ADAMTS16: variants seen among roughly 807,000 people sequenced by gnomAD.
ADAMTS16 encodes ADAM metallopeptidase with thrombospondin type 1 motif 16.
In ADAMTS16, 94 loss-of-function variants were observed where a neutral mutation model predicts 145.8. The ratio of observed to expected loss-of-function variants is 0.64; its 90% CI spans 0.55 to 0.77. The LOEUF is 0.77. Among genes scored for constraint, ADAMTS16 ranks in the 30% least tolerant of loss-of-function variants. The probability of loss-of-function intolerance (pLI) is 0.00; values close to 1 mark genes in which losing one functional copy is unlikely to be tolerated. For synonymous variants in ADAMTS16, 659 were observed against 604.3 expected, an observed-to-expected ratio of 1.09 and a Z score of -1.33; for missense variants, 1,585 against 1,591.5, an observed-to-expected ratio of 1.00 and a Z score of 0.07.
At position 5,190,066 on chromosome 5, in the gene ADAMTS16, C is replaced by T; in HGVS notation, c.1143C>T (p.Asp381=). The change falls in exon 7 of 23, where the codon GAC becomes GAT. Residue 381 remains aspartate (D), a synonymous_variant. Transcript: ENST00000274181. ...TGGGGAAAGATGGGACTCGTCATGACCACGCCATCTTACTGACTGGTCTGG... is the reference window on the plus strand; with the variant it reads ...TGGGGAAAGATGGGACTCGTCATGATCACGCCATCTTACTGACTGGTCTGG... ...GLMGKDGTRH[D]HAILLTGLDI... is the part of the protein sequence containing the mutation. 1 of 1,613,174 alleles carries T rather than the reference C, an allele frequency of 6.2e-7. No individual in the cohort carries two copies. Among genetic ancestry groups the T allele is most frequent in the Non-Finnish European group, 8.5e-7 (1 of 1,179,618 alleles).
chr5:5,244,235 C>T (rs938266908), intron 17 of ADAMTS16, among the ~76,000 whole-genome samples: 2 of 152,174 alleles, frequency 1.3e-5, no homozygotes, highest in African/African-American at 4.8e-5. Context: ...GAACTATAGT[C>T]GATCCTCCTC....
chr5:5,161,590 G>T (rs1302578779), intron 3 of ADAMTS16, among the ~76,000 whole-genome samples: 1 of 152,150 alleles, frequency 6.6e-6, no homozygotes, highest in Non-Finnish European at 1.5e-5. Context: ...TGTGTGGTTG[G>T]ATGCTGTGGA....
chr5:5,213,820 G>T (rs1221577540), intron 10 of ADAMTS16, among the ~76,000 whole-genome samples: 1 of 152,166 alleles, frequency 6.6e-6, no homozygotes, highest in African/African-American at 2.4e-5. Flanking sequence ...CTTTCAGCCT[G>T]CAGCTGTGGT....
Position 5,232,476 on chromosome 5 carries a change from G to C in ADAMTS16, c.1810G>C (p.Gly604Arg), listed in dbSNP as rs1315518114. 6.2e-7 allele frequency: 1 copy of C among 1,613,858 alleles called. No individual in the cohort carries two copies. Among genetic ancestry groups the C allele is most frequent in the Non-Finnish European group, 8.5e-7 (1 of 1,180,006 alleles). Residue 604 changes from glycine (G) to arginine (R), a missense_variant, in exon 12 of 23, where the codon GGG becomes CGG. Transcript: ENST00000274181. ...GTCCCCATGCTCCAGGACCTGCGGA[G>C]GGGGAGTATCTCATAGGAGTCGCCT... The part of the protein sequence containing the change: ...SWSPCSRTCG[G>R]GVSHRSRLCT...
chr5:5,265,424 C>A (rs1223465133), intron 18 of ADAMTS16, among the ~76,000 whole-genome samples: 2 of 152,156 alleles, frequency 1.3e-5, no homozygotes, highest in Non-Finnish European at 2.9e-5. Context: ...CTTGTGGAAT[C>A]TCGGTTTGCC....
chr5:5,154,417 A>G (rs960289321), intron 3 of ADAMTS16, among the ~76,000 whole-genome samples: 1 of 152,252 alleles, frequency 6.6e-6, no homozygotes, highest in African/African-American at 2.4e-5. Flanking sequence ...GCAATTTGGA[A>G]ATTAACAGAA....
chr5:5,142,647 G>A (rs1284899751), intron 2 of ADAMTS16, among the ~76,000 whole-genome samples: 1 of 152,180 alleles, frequency 6.6e-6, no homozygotes, highest in East Asian at 1.9e-4. Flanking sequence ...CATTAGACAA[G>A]TTGGTTCTGA....
At chr5:5,258,087 G>A (rs1737856419) in intron 17 of ADAMTS16, among the ~76,000 whole-genome samples, 1 of 152,142 alleles carries the variant, frequency 6.6e-6, no homozygotes, top group South Asian at 2.1e-4. Context: ...CCCACCATGT[G>A]GATGTGTTTA....
rs746555489 is a variant in ADAMTS16 at position 5,303,299 on chromosome 5, C to T, written c.2821C>T (p.Arg941Trp). 8.8e-6 allele frequency: 14 copies of T among 1,591,818 alleles called. No individual in the cohort carries two copies. The highest frequency in any genetic ancestry group is 1.9e-4 in the Middle Eastern group (1 of 5,216). ...CGTGGGGAACTGGAGTGCCTGCAGT[C>T]GGACGTGTGGCGGGGGTGCCCAGAG... ...WSVGNWSACS[R>W]TCGGGAQSRP... is the part of the protein sequence containing the mutation. The change falls in exon 19 of 23, where the codon CGG (arginine) becomes TGG (tryptophan). Residue 941 changes from arginine to tryptophan, a missense_variant. Physicochemically the swap from Arg to Trp is moderately radical, Grantham distance 101 (BLOSUM62 -3). Around this residue, in one of 3 missense-constraint regions of ADAMTS16, gnomAD observed 834 missense variants for 811.7 expected, o/e 1.03. Coordinates refer to ENST00000274181, the MANE Select transcript of ADAMTS16 (RefSeq NM_139056.4).
chr5:5,299,550 TG>T (rs1739687438), intron 18 of ADAMTS16, among the ~76,000 whole-genome samples: 1 of 152,098 alleles, frequency 6.6e-6, no homozygotes. Flanking sequence ...GTCATTTTGT[TG>T]AGAAATGACT....
chr5:5,153,089 C>T (rs1413450439), intron 3 of ADAMTS16, among the ~76,000 whole-genome samples: 1 of 152,226 alleles, frequency 6.6e-6, no homozygotes, highest in African/African-American at 2.4e-5. Flanking sequence ...TGCTGCCTTA[C>T]AGGGACCTGT....
chr5:5,301,895 C>A (rs1739793632), intron 18 of ADAMTS16, among the ~76,000 whole-genome samples: 1 of 152,172 alleles, frequency 6.6e-6, no homozygotes, highest in African/African-American at 2.4e-5. Context: ...CTAGGTGGGA[C>A]CCCTGGTGCC....
chr5:5,294,799 G>A (rs1046919105), intron 18 of ADAMTS16, among the ~76,000 whole-genome samples: 3 of 152,142 alleles, frequency 2.0e-5, no homozygotes, highest in African/African-American at 7.2e-5. Flanking sequence ...CCCACTTCTA[G>A]GATGACAGGA....
intron 16 of ADAMTS16, among the ~76,000 whole-genome samples, chr5:5,240,428 C>A (rs370645102): frequency 1.3e-5 from 2 of 152,212 alleles, no homozygotes; most frequent in Admixed American, 1.3e-4. Flanking sequence ...CCCCCTGAAC[C>A]GAGCAGTTCT....
At position 5,319,942 on chromosome 5, in the gene ADAMTS16, G is replaced by T; in HGVS notation, c.*804G>T. Reference sequence around the variant, plus strand: ...CTTCTTCATGCTTTTCTTTGTAAATGACAGATCGAAGTATAGGTTACATCA... The same window carrying T: ...CTTCTTCATGCTTTTCTTTGTAAATTACAGATCGAAGTATAGGTTACATCA... On this transcript the variant is annotated 3_prime_UTR_variant, in exon 23 of 23. Transcript: ENST00000274181. 1 of 454,900 alleles carries T rather than the reference G, an allele frequency of 2.2e-6. No homozygotes were observed. The highest frequency in any genetic ancestry group is 4.4e-6 in the Non-Finnish European group (1 of 226,776). The allele number at this position is 454,900 out of a possible 1,614,324, so 28.2% of individuals were successfully genotyped here. A position where few individuals can be genotyped will look rare whatever the true frequency, so the allele number is the denominator to read the frequency against.
chr5:5,300,851 G>A (rs11749585), intron 18 of ADAMTS16, among the ~76,000 whole-genome samples: 112,340 of 152,016 alleles, frequency 0.74, 41,919 homozygotes, highest in South Asian at 0.82. Context: ...CAGAAATCAC[G>A]TCCAGCCAGG....
intron 10 of ADAMTS16, among the ~76,000 whole-genome samples, chr5:5,215,884 ATATATATATATATATATATATAT>A (rs1260445076): frequency 1.5e-5 from 1 of 64,976 alleles, no homozygotes; most frequent in Non-Finnish European, 4.3e-5. Flanking sequence ...ATATATATAT[ATATATATATATATATATATATAT>A]ATATATATCA....
intron 3 of ADAMTS16, among the ~76,000 whole-genome samples, chr5:5,180,957 ATCAGTACGTAAC>A (rs1560936876): frequency 6.6e-6 from 1 of 152,242 alleles, no homozygotes; most frequent in African/African-American, 2.4e-5. Flanking sequence ...TATAATTATC[ATCAGTACGTAAC>A]TCTAACTTTT....
intron 17 of ADAMTS16, among the ~76,000 whole-genome samples, chr5:5,250,677 A>T (rs1003703269): frequency 6.9e-6 from 1 of 145,386 alleles, no homozygotes; most frequent in Non-Finnish European, 1.5e-5. Flanking sequence ...AAGGTACTTG[A>T]ACTGGTTCAT....
Sources: allele counts gnomAD v4.1 joint callset (sites outside exome capture counted in the v4.1 genomes callset), GRCh38; gene constraint gnomAD v4.1.1; regional missense constraint gnomAD v4.1.1; transcripts MANE v1.5; gene names NCBI Gene and HGNC (gene_info 2026-07-23, HGNC 2026-07-21).